The following RREB1 variants were observed in gnomAD, a reference collection of about 807,000 sequenced individuals.
RREB1 encodes ras responsive element binding protein 1, also known as ras-responsive element-binding protein 1.
Under a neutral mutation model 117.8 loss-of-function variants are expected in RREB1, and 27 were observed. The observed-to-expected ratio is 0.23, with a 90% CI of 0.17 to 0.32. RREB1 has a LOEUF of 0.32. Among genes scored for constraint, RREB1 ranks in the 10% least tolerant of loss-of-function variants. The pLI, the probability that RREB1 is intolerant of heterozygous loss-of-function variation, is 1.00. For missense variants in RREB1, 2,577 were observed against 2,378.2 expected, an observed-to-expected ratio of 1.08 and a Z score of -1.74; for synonymous variants, 1,298 against 1,026.7, an observed-to-expected ratio of 1.26 and a Z score of -5.05.
intron 1 of RREB1, among the ~76,000 whole-genome samples, chr6:7,150,759 G>A (rs1052090162): frequency 2.0e-5 from 3 of 152,246 alleles, no homozygotes; most frequent in African/African-American, 7.2e-5. Flanking sequence ...GGGCTTGCAG[G>A]AGAGATGTGG....
chr6:7,202,101 C>T (rs1766018955), intron 6 of RREB1, among the ~76,000 whole-genome samples: 1 of 152,146 alleles, frequency 6.6e-6, no homozygotes, highest in African/African-American at 2.4e-5. Flanking sequence ...CCAGCAGTTT[C>T]TCAGTGGCCC....
At chr6:7,177,019 C>T (rs1764529302) in intron 2 of RREB1, among the ~76,000 whole-genome samples, 1 of 151,776 alleles carries the variant, frequency 6.6e-6, no homozygotes, top group South Asian at 2.1e-4. Context: ...GCATTCAAGA[C>T]CAGCCTGGCC....
intron 1 of RREB1, among the ~76,000 whole-genome samples, chr6:7,117,073 A>G (rs2113297531): frequency 6.6e-6 from 1 of 152,316 alleles, no homozygotes; most frequent in East Asian, 1.9e-4. Context: ...TTCAAAACAG[A>G]ATACCAAGCC....
rs540761430 is a variant in RREB1 at position 7,116,307 on chromosome 6, G to A, written c.-285+8247G>A. ...TCCTGTTGCCTGGATTGTTCATTCT[G>A]TTGCATCCCCATCCCCTTCCTTCAG... On this transcript the variant is annotated intron_variant, in intron 1 of 12. Transcript: ENST00000379938. 1.9e-3 allele frequency among the ~76,000 whole-genome samples: 293 copies of A among 152,074 alleles called. 2 individuals are homozygous for A. Among genetic ancestry groups the A allele is most frequent in the African/African-American group, 4.2e-3 (175 of 41,500 alleles).
At chr6:7,155,533 A>G (rs1763325382) in intron 1 of RREB1, among the ~76,000 whole-genome samples, 1 of 151,912 alleles carries the variant, frequency 6.6e-6, no homozygotes, top group Non-Finnish European at 1.5e-5. Flanking sequence ...CTAGTCTCGA[A>G]CTCCTGACCT....
At position 7,247,011 on chromosome 6, in the gene RREB1, A is replaced by G; in HGVS notation, c.4561A>G (p.Lys1521Glu). ...GGGTGCCGGGGAGGCCCCGGCGGAA[A>G]AGCTCGCGGAGGAGACGGAGGGCCC... ...APGAGEAPAE[K>E]LAEETEGPSD... The change falls in exon 12 of 13, where the codon AAG (lysine) becomes GAG (glutamate). Residue 1521 changes from lysine to glutamate, a missense_variant. Lys to Glu is a moderately conservative substitution (Grantham distance 56). Coordinates refer to ENST00000379938, the MANE Select transcript of RREB1 (RefSeq NM_001003699.4). The G allele has an allele frequency of 1.2e-6, 2 of 1,608,318 alleles. No homozygotes were observed. Among genetic ancestry groups the G allele is most frequent in the African/African-American group, 1.3e-5 (1 of 74,658 alleles).
rs771868114 is a variant in RREB1, at chr6:7,181,865, T to A, written c.-42-5T>A. On this transcript the variant is annotated splice_polypyrimidine_tract_variant and splice_region_variant and intron_variant, in intron 3 of 12. Coordinates refer to ENST00000379938, the MANE Select transcript of RREB1 (RefSeq NM_001003699.4). Reference sequence around the variant, plus strand: ...ATGATCACATCAGCAATTTCCAATTTTCAGTTTTATAGCAGAGGCTTCTTA... The same window carrying A: ...ATGATCACATCAGCAATTTCCAATTATCAGTTTTATAGCAGAGGCTTCTTA... 6.2e-7 allele frequency: 1 copy of A among 1,607,192 alleles called. No individual in the cohort carries two copies. The highest frequency in any genetic ancestry group is 8.5e-7 in the Non-Finnish European group (1 of 1,173,846).
At chr6:7,218,242 G>A (rs1767022544) in intron 8 of RREB1, 1 of 152,176 alleles carries the variant, frequency 6.6e-6, no homozygotes, top group Non-Finnish European at 1.5e-5. Flanking sequence ...ATTGTGAGGA[G>A]GTCAGATATC....
At chr6:7,210,489 T>C (rs1561782596) in intron 6 of RREB1, among the ~76,000 whole-genome samples, 1 of 152,228 alleles carries the variant, frequency 6.6e-6, no homozygotes, top group Non-Finnish European at 1.5e-5. Context: ...CCTAAAATGG[T>C]ACTTTTTGTC....
intron 6 of RREB1, among the ~76,000 whole-genome samples, chr6:7,191,862 A>G (rs1236947537): frequency 6.6e-6 from 1 of 152,036 alleles, no homozygotes; most frequent in Non-Finnish European, 1.5e-5. Flanking sequence ...ATCCTATATC[A>G]TGTCTGTTAT....
chr6:7,135,967 T>G (rs1762337181), intron 1 of RREB1, among the ~76,000 whole-genome samples: 6 of 152,096 alleles, frequency 3.9e-5, no homozygotes, highest in Admixed American at 2.6e-4. Flanking sequence ...AGAGGTGGCA[T>G]ATGACTAAGC....
chr6:7,166,741 C>T (rs1483200452), intron 1 of RREB1, among the ~76,000 whole-genome samples: 2 of 152,166 alleles, frequency 1.3e-5, no homozygotes, highest in African/African-American at 4.8e-5. Flanking sequence ...ATCCTGAATT[C>T]TGGGAATTCG....
At position 7,250,746 on chromosome 6, in the gene RREB1, C is replaced by T; in HGVS notation, c.*1778C>T. 1 of 152,116 alleles carries T rather than the reference C, an allele frequency of 6.6e-6. No individual in the cohort carries two copies. The highest frequency in any genetic ancestry group is 1.5e-5 in the Non-Finnish European group (1 of 68,020). 9.4% of individuals were successfully genotyped at this position (152,116 alleles called of 1,614,324 possible). On this transcript the variant is annotated 3_prime_UTR_variant, in exon 13 of 13. Coordinates refer to ENST00000379938, the MANE Select transcript of RREB1 (RefSeq NM_001003699.4). ...TCACCAGTTTCTGAAATCCAACCTC[C>T]CAGACTTCACAGGAAGATAGATATT...
intron 1 of RREB1, among the ~76,000 whole-genome samples, chr6:7,169,579 G>A (rs1764115283): frequency 6.6e-6 from 1 of 152,206 alleles, no homozygotes; most frequent in African/African-American, 2.4e-5. Context: ...GCCGGGTGCT[G>A]TGTGACAAAT....
At chr6:7,207,642 T>C (rs534975973) in intron 6 of RREB1, among the ~76,000 whole-genome samples, 9 of 152,276 alleles carry the variant, frequency 5.9e-5, no homozygotes, top group African/African-American at 2.2e-4. Flanking sequence ...GACTGGAGTT[T>C]GCATCTGGAT....
intron 1 of RREB1, among the ~76,000 whole-genome samples, chr6:7,139,625 G>A (rs866032746): frequency 3.9e-5 from 6 of 152,080 alleles, no homozygotes; most frequent in Non-Finnish European, 8.8e-5. Context: ...TATTGATCAG[G>A]TAGTTGGGCC....
intron 8 of RREB1, among the ~76,000 whole-genome samples, chr6:7,219,423 A>G (rs1756999738): frequency 6.6e-6 from 1 of 152,168 alleles, no homozygotes; most frequent in African/African-American, 2.4e-5. Flanking sequence ...TATTTTCTTG[A>G]CCTGTTGGAG....
chr6:7,125,899 G>A (rs1204525014), intron 1 of RREB1, among the ~76,000 whole-genome samples: 1 of 152,330 alleles, frequency 6.6e-6, no homozygotes, highest in South Asian at 2.1e-4. Context: ...GGGCATCGGA[G>A]CAAGTTATGG....
chr6:7,191,875 A>G (rs1431458527), intron 6 of RREB1, among the ~76,000 whole-genome samples: 1 of 151,974 alleles, frequency 6.6e-6, no homozygotes, highest in Non-Finnish European at 1.5e-5. Flanking sequence ...TCTGTTATTC[A>G]TTTTCTCGCC....
Sources: allele counts gnomAD v4.1 joint callset (sites outside exome capture counted in the v4.1 genomes callset), GRCh38; gene constraint gnomAD v4.1.1; transcripts MANE v1.5; gene names NCBI Gene and HGNC (gene_info 2026-07-23, HGNC 2026-07-21).